The following PCDHA2 variants were observed in gnomAD, a reference collection of about 807,000 sequenced individuals.
PCDHA2 encodes protocadherin alpha-2.
A neutral mutation model predicts 66.0 loss-of-function variants in PCDHA2; 58 were observed. The observed-to-expected ratio is 0.88, with a 90% CI of 0.71 to 1.09. The LOEUF (loss-of-function observed/expected upper bound fraction) is 1.09, where lower values mean the gene tolerates loss of function less well. PCDHA2 is among the 50% of genes least tolerant of loss of function. PCDHA2 has a pLI of 0.00. For missense variants in PCDHA2, 1,267 were observed against 1,242.3 expected (o/e 1.02, Z -0.30); for synonymous variants, 634 against 554.0 (o/e 1.14, Z -2.03).
chr5:140,803,997 A>C, intron 1 of PCDHA2: 1 of 267,966 alleles, frequency 3.7e-6, no homozygotes, highest in Middle Eastern at 1.3e-3. Context: ...ACCTGTTAGT[A>C]CAAATGTTAC....
At chr5:140,980,447 C>T (rs952861849) in intron 2 of PCDHA2, among the ~76,000 whole-genome samples, 4 of 152,036 alleles carry the variant, frequency 2.6e-5, no homozygotes, top group Admixed American at 6.6e-5. Context: ...CTGGACAACA[C>T]GGTGAAACCC....
chr5:140,979,110 C>A, intron 2 of PCDHA2, 103 bp downstream of exon 2: 1 of 1,515,726 alleles, frequency 6.6e-7, no homozygotes, highest in East Asian at 2.3e-5. Flanking sequence ...AACTAAAAAG[C>A]TTTAGGTACT....
chr5:140,850,323 G>A (rs2150479672), intron 1 of PCDHA2: 4 of 1,597,370 alleles, frequency 2.5e-6, no homozygotes, highest in Non-Finnish European at 3.4e-6. Context: ...GCTTTCATAC[G>A]AGCTGCAGCC....
chr5:140,956,852 G>A (rs931766503), intron 1 of PCDHA2, among the ~76,000 whole-genome samples: 1 of 152,062 alleles, frequency 6.6e-6, no homozygotes. Flanking sequence ...TGGGTTAAAT[G>A]GTTGAATGAA....
At chr5:140,807,268 G>C (rs557517265) in intron 1 of PCDHA2, 36 of 1,614,224 alleles carry the variant, frequency 2.2e-5, no homozygotes, top group Non-Finnish European at 3.1e-5. Flanking sequence ...GGGAGGCAGG[G>C]AACGGTCAGC....
intron 1 of PCDHA2, chr5:140,843,873 T>C (rs1554140466): frequency 1.3e-6 from 1 of 797,276 alleles, no homozygotes; most frequent in Admixed American, 3.0e-5. Context: ...ATTTTCTCAG[T>C]GGCATAATAC....
At chr5:140,809,711 T>C in intron 1 of PCDHA2, 1 of 1,041,988 alleles carries the variant, frequency 9.6e-7, no homozygotes, top group Non-Finnish European at 1.4e-6. Flanking sequence ...CTAAAGTCTT[T>C]TGGAATTATA....
chr5:140,888,748 T>C (rs782271029), intron 1 of PCDHA2, among the ~76,000 whole-genome samples: 13 of 152,122 alleles, frequency 8.5e-5, no homozygotes, highest in Admixed American at 7.9e-4. Flanking sequence ...GGAATTATTC[T>C]ACCCACTTTT....
At chr5:140,955,469 T>C (rs1324804121) in intron 1 of PCDHA2, among the ~76,000 whole-genome samples, 11 of 152,208 alleles carry the variant, frequency 7.2e-5, no homozygotes, top group Middle Eastern at 3.4e-3. Flanking sequence ...CCTTTTTGCT[T>C]GGCACCTCTC....
intron 1 of PCDHA2, among the ~76,000 whole-genome samples, chr5:140,959,108 C>T (rs1299073504): frequency 1.3e-5 from 2 of 151,918 alleles, no homozygotes; most frequent in East Asian, 3.9e-4. Flanking sequence ...AGCAGGGGTC[C>T]GAAGGTGGGC....
chr5:140,833,369 AT>A (rs1397488143), intron 1 of PCDHA2, among the ~76,000 whole-genome samples: 1 of 152,192 alleles, frequency 6.6e-6, no homozygotes, highest in Non-Finnish European at 1.5e-5. Context: ...AGTAAGGTAG[AT>A]CCAAAAAGGA....
rs2150108266 is a variant in PCDHA2 at position 140,820,912 on chromosome 5, A to T, written c.2388+23560A>T. 5.3e-5 allele frequency among the ~76,000 whole-genome samples: 8 copies of T among 152,240 alleles called. No individual in the cohort carries two copies. In the South Asian group the frequency reaches 1.7e-3, roughly 32 times the overall value. On this transcript the variant is annotated intron_variant, in intron 1 of 3. Coordinates refer to ENST00000526136, the MANE Select transcript of PCDHA2 (RefSeq NM_018905.3). ...GACGATTTACCAAAGTCGTTCTATT[A>T]TGCTTTTGATTTCTAGAAAGCTGAA...
intron 1 of PCDHA2, among the ~76,000 whole-genome samples, chr5:140,931,837 G>A (rs1422066331): frequency 6.6e-6 from 1 of 151,798 alleles, no homozygotes; most frequent in Non-Finnish European, 1.5e-5. Flanking sequence ...TATCCTGAAT[G>A]CCTTAATAAC....
At chr5:140,991,167 G>T (rs186627829) in intron 3 of PCDHA2, among the ~76,000 whole-genome samples, 2 of 152,270 alleles carry the variant, frequency 1.3e-5, no homozygotes, top group Non-Finnish European at 2.9e-5. Flanking sequence ...TATTCCCATT[G>T]TCAAGCAGGA....
chr5:140,855,032 A>AT (rs2043313669), intron 1 of PCDHA2, among the ~76,000 whole-genome samples: 1 of 149,732 alleles, frequency 6.7e-6, no homozygotes, highest in Non-Finnish European at 1.5e-5. Flanking sequence ...TGTATAAAGG[A>AT]TTTTTCTGTA....
intron 1 of PCDHA2, chr5:140,870,816 C>A: frequency 4.3e-6 from 7 of 1,613,668 alleles, no homozygotes; most frequent in Admixed American, 1.7e-5. Flanking sequence ...AGGCTGGCAG[C>A]GCGGGAGGCG....
intron 1 of PCDHA2, chr5:140,824,161 T>G: frequency 9.3e-6 from 15 of 1,610,948 alleles, no homozygotes; most frequent in Non-Finnish European, 1.2e-5. Flanking sequence ...CATCTTTCCC[T>G]CCCAATTTTC....
In PCDHA2 at chr5:140,807,453, G is replaced by T. The variant is rs1223020779; in HGVS notation, c.2388+10101G>T. 6.2e-7 allele frequency: 1 copy of T among 1,607,486 alleles called. No individual in the cohort carries two copies. Among genetic ancestry groups the T allele is most frequent in the East Asian group, 2.2e-5 (1 of 44,674 alleles). On this transcript the variant is annotated intron_variant, in intron 1 of 3. Coordinates refer to ENST00000526136, the MANE Select transcript of PCDHA2 (RefSeq NM_018905.3). ...AATGGCATTTTGTTTGTGAATTCTC[G>T]GATCGACCGGGAGGAGCTGTGCCGG... is the stretch of plus-strand genomic sequence containing the variant.
At chr5:140,884,166 C>G (rs1554181300) in intron 1 of PCDHA2, 2 of 1,613,430 alleles carry the variant, frequency 1.2e-6, no homozygotes, top group Non-Finnish European at 8.5e-7. Flanking sequence ...GAGATCAGCA[C>G]GACGCGCCCT....
Sources: allele counts gnomAD v4.1 joint callset (sites outside exome capture counted in the v4.1 genomes callset), GRCh38; gene constraint gnomAD v4.1.1; transcripts MANE v1.5; gene names NCBI Gene and HGNC (gene_info 2026-07-23, HGNC 2026-07-21).